WRAP53: variants seen among roughly 807,000 people sequenced by gnomAD.
The protein encoded by WRAP53 is WD repeat containing antisense to TP53, also known as telomerase Cajal body protein 1.
WRAP53 carries 28 observed loss-of-function variants against 56.6 expected under a neutral mutation model. The ratio of observed to expected loss-of-function variants is 0.50; its 90% CI spans 0.37 to 0.68. The LOEUF (loss-of-function observed/expected upper bound fraction) is 0.68. Ranked by LOEUF, WRAP53 falls within the 30% of genes least tolerant of loss-of-function variation. The probability of loss-of-function intolerance (pLI) is 0.00; values close to 1 mark genes in which losing one functional copy is unlikely to be tolerated. For missense variants in WRAP53, 671 were observed against 715.5 expected, an observed-to-expected ratio of 0.94 and a Z score of 0.71; for synonymous variants, 283 against 283.4, an observed-to-expected ratio of 1.00 and a Z score of 0.01.
intron 4 of WRAP53, among the ~76,000 whole-genome samples, chr17:7,697,679 A>G (rs1216151597): frequency 2.0e-5 from 3 of 152,188 alleles, no homozygotes; most frequent in Non-Finnish European, 4.4e-5. Context: ...AAAAAGAAAA[A>G]GAAAATGGGC....
rs528833196 is a variant in WRAP53, at chr17:7,697,905, T to C, written c.643-2836T>C. On this transcript the variant is annotated intron_variant, in intron 4 of 10. Transcript: ENST00000396463. ...TTTTTGGAGACAGGATCTTGTTCTG[T>C]TGCCCAGGCTGGAGTGCAGTGGTGC... is the stretch of plus-strand genomic sequence containing the variant. 1.0e-3 allele frequency among the ~76,000 whole-genome samples: 153 copies of C among 151,986 alleles called. 1 individual carries two copies. The highest frequency in any genetic ancestry group is 3.6e-3 in the African/African-American group (149 of 41,360).
chr17:7,697,806 C>T (rs2074206339), intron 4 of WRAP53, among the ~76,000 whole-genome samples: 1 of 151,976 alleles, frequency 6.6e-6, no homozygotes, highest in African/African-American at 2.4e-5. Flanking sequence ...TACCATTTCA[C>T]CACCTTCAAA....
intron 4 of WRAP53, among the ~76,000 whole-genome samples, chr17:7,697,204 C>G (rs1420882862): frequency 1.3e-5 from 2 of 151,702 alleles, no homozygotes. Flanking sequence ...GCCTGTAATC[C>G]CAGCTACTCA....
Position 7,702,441 on chromosome 17 carries a change from G to T in WRAP53, c.1053G>T (p.Leu351=). 6.2e-7 allele frequency: 1 copy of T among 1,614,066 alleles called. No homozygotes were observed. Among genetic ancestry groups the T allele is most frequent in the South Asian group, 1.1e-5 (1 of 91,086 alleles). ...ACGSYGRSLG[L]YAWDDGSPLA... is the part of the protein sequence containing the mutation. The stretch of plus-strand genomic sequence containing the variant: ...GCTCCTACGGCCGCTCCCTGGGTCT[G>T]TATGCCTGGGATGATGGCTCCCCTC... Residue 351 remains leucine, a synonymous_variant, in exon 8 of 11, where the codon CTG becomes CTT. Transcript: ENST00000396463. This position sits in a 1 kb window ranked among gnomAD's most constrained non-coding sequence, Gnocchi z 5.0.
chr17:7,696,636 T>G (rs965163015), intron 4 of WRAP53, among the ~76,000 whole-genome samples: 2 of 152,110 alleles, frequency 1.3e-5, no homozygotes, highest in East Asian at 3.9e-4. Context: ...CAGATAGAGA[T>G]AAGCCTTGAG....
upstream of WRAP53, chr17:7,687,610 A>C (rs1356878334): frequency 2.5e-6 from 1 of 398,758 alleles, no homozygotes; most frequent in African/African-American, 2.1e-5. Context: ...AAGGGCAAGT[A>C]ATCCGCCTGC....
rs2074275536 is a variant in WRAP53 at position 7,701,628 on chromosome 17, A to G, written c.823-29A>G. The G allele has an allele frequency of 6.2e-7, 1 of 1,614,118 alleles. No homozygotes were observed. Among genetic ancestry groups the G allele is most frequent in the Non-Finnish European group, 8.5e-7 (1 of 1,180,020 alleles). ...TTGAGGGCAGCTGAGGCTTTGCAAG[A>G]CCTGTTTTCAGCCCTTTCCTTCCCC... On this transcript the variant is annotated intron_variant, in intron 6 of 10. Coordinates refer to ENST00000396463, the MANE Select transcript of WRAP53 (RefSeq NM_001143992.2). The surrounding 1 kb of genome is among the most constrained non-coding windows in gnomAD (Gnocchi z 4.2).
At chr17:7,690,579 C>G (rs954363457) in intron 4 of WRAP53, among the ~76,000 whole-genome samples, 1 of 152,134 alleles carries the variant, frequency 6.6e-6, no homozygotes, top group African/African-American at 2.4e-5. Context: ...GGCAATGATA[C>G]TATAAACACC....
At chr17:7,699,502 T>TATATATATATATATATATATATATATATA (rs1567577549) in intron 4 of WRAP53, among the ~76,000 whole-genome samples, 1 of 11,764 alleles carries the variant, frequency 8.5e-5, no homozygotes, top group Non-Finnish European at 1.3e-4. Flanking sequence ...ATATATATAT[T>TATATATATATATATATATATATATATATA]TATATATATA....
chr17:7,696,903 G>C (rs898814713), intron 4 of WRAP53, among the ~76,000 whole-genome samples: 2 of 152,210 alleles, frequency 1.3e-5, no homozygotes, highest in Non-Finnish European at 2.9e-5. Flanking sequence ...CCACCAGGCA[G>C]TTGGATATAT....
chr17:7,701,305 A>T lies in WRAP53; in HGVS notation c.732-154A>T. On this transcript the variant is annotated intron_variant, in intron 5 of 10. Coordinates refer to ENST00000396463, the MANE Select transcript of WRAP53 (RefSeq NM_001143992.2). This position sits in a 1 kb window ranked among gnomAD's most constrained non-coding sequence, Gnocchi z 4.2. ...TTTTTAGTAGAGACAGGGTTTCACC[A>T]TGTTGGCCAGGCTGGTCTCGAACTC... 2 of 789,284 alleles carry T rather than the reference A, an allele frequency of 2.5e-6. No individual in the cohort carries two copies. Among genetic ancestry groups the T allele is most frequent in the East Asian group, 2.6e-5 (1 of 38,852 alleles). 48.9% of individuals were successfully genotyped at this position (789,284 alleles called of 1,614,324 possible). A position where few individuals can be genotyped will look rare whatever the true frequency, so the allele number is the denominator to read the frequency against.
chr17:7,694,291 T>A (rs1024367616), intron 4 of WRAP53, among the ~76,000 whole-genome samples: 3 of 147,228 alleles, frequency 2.0e-5, no homozygotes, highest in African/African-American at 7.6e-5. Context: ...TGGCCCAGGC[T>A]GGAGAGCAGT....
In WRAP53 at chr17:7,701,559, G is replaced by A. The variant is rs372606750; in HGVS notation, c.822+10G>A. 6 of 1,614,104 alleles carry A rather than the reference G, an allele frequency of 3.7e-6. No individual in the cohort carries two copies. Among genetic ancestry groups the A allele is most frequent in the East Asian group, 2.2e-5 (1 of 44,894 alleles). ...CGCCTACAACCACCTGGTAGGGACC[G>A]CCATACTCAGCCCCAGCACTCGTAC... On this transcript the variant is annotated intron_variant, in intron 6 of 10. Transcript: ENST00000396463. This position sits in a 1 kb window ranked among gnomAD's most constrained non-coding sequence, Gnocchi z 4.2.
At chr17:7,696,022 A>G (rs1242958565) in intron 4 of WRAP53, among the ~76,000 whole-genome samples, 1 of 152,046 alleles carries the variant, frequency 6.6e-6, no homozygotes. Flanking sequence ...GATAGGTATG[A>G]CGGAAGGGGA....
chr17:7,696,289 G>GTTT (rs1398781100), intron 4 of WRAP53, among the ~76,000 whole-genome samples: 1 of 111,000 alleles, frequency 9.0e-6, no homozygotes. Flanking sequence ...GGGACTCAGA[G>GTTT]ATTTTTTTTT....
Position 7,689,701 on chromosome 17 carries a change from G to A in WRAP53, c.642G>A (p.Met214Ile). ...HEGEQVEYAE[M>I]VPVLRMVEGD... ...GGGAGCAGGTGGAATATGCAGAAAT[G>A]GTAAGGACTGGGGCTAACTGCCTCT... is the stretch of plus-strand genomic sequence containing the variant. The change falls in exon 4 of 11, where the codon ATG (methionine) becomes ATA (isoleucine). Residue 214 changes from methionine to isoleucine, a missense_variant and splice_region_variant. Transcript: ENST00000396463. 1 of 1,611,614 alleles carries A rather than the reference G, an allele frequency of 6.2e-7. No individual in the cohort carries two copies. The highest frequency in any genetic ancestry group is 2.2e-5 in the East Asian group (1 of 44,872).
chr17:7,688,937 G>T lies in WRAP53; in HGVS notation c.289G>T (p.Glu97Ter). Residue 97 changes from glutamate to a stop codon, truncating the protein, a stop_gained, in exon 2 of 11, where the codon GAA (glutamate) becomes TAA (stop). Transcript: ENST00000396463. LOFTEE classifies it high-confidence loss of function. ...GTTGAGTCCTCGAATCGAGGAGCAAGAACTTTCTGAAAATACAAGCCTTCC... is the reference window on the plus strand; with the variant it reads ...GTTGAGTCCTCGAATCGAGGAGCAATAACTTTCTGAAAATACAAGCCTTCC... ...SELSPRIEEQELSENTSLPAE... is the reference protein window; with the variant it reads ...SELSPRIEEQ 1 of 1,614,160 alleles carries T rather than the reference G, an allele frequency of 6.2e-7. No individual in the cohort carries two copies. The highest frequency in any genetic ancestry group is 8.5e-7 in the Non-Finnish European group (1 of 1,180,046).
upstream of WRAP53, chr17:7,688,425 GA>G: frequency 1.7e-6 from 1 of 578,306 alleles, no homozygotes; most frequent in Non-Finnish European, 3.0e-6. Context: ...AAGGTGGACC[GA>G]AATCCCGCGA....
intron 4 of WRAP53, 87 bp from the exon 5 acceptor site, chr17:7,700,654 C>T (rs1485861851): frequency 1.2e-6 from 1 of 854,904 alleles, no homozygotes; most frequent in Non-Finnish European, 2.0e-6. Context: ...CATATATACA[C>T]CCCATCTGCC....
Sources: gnomAD v4.1 joint callset for allele counts (sites outside exome capture counted in the v4.1 genomes callset) on GRCh38, gnomAD v4.1.1 for gene constraint, Gnocchi (gnomAD v3.1) non-coding constraint, MANE v1.5 for transcripts, NCBI Gene and HGNC (gene_info 2026-07-23, HGNC 2026-07-21) for gene names.